Variants in DSCAML1 observed in about 807,000 individuals in gnomAD.
The protein encoded by DSCAML1 is DS cell adhesion molecule like 1, also known as cell adhesion molecule DSCAML1.
DSCAML1 carries 38 observed loss-of-function variants against 200.5 expected under a neutral mutation model. The ratio of observed to expected loss-of-function variants is 0.19; its 90% CI spans 0.15 to 0.25. DSCAML1 has a LOEUF of 0.25. DSCAML1 is among the 10% of genes least tolerant of loss of function. DSCAML1 has a pLI of 1.00. For synonymous variants in DSCAML1, 1,215 were observed against 1,165.0 expected, an observed-to-expected ratio of 1.04 and a Z score of -0.87; for missense variants, 2,223 against 2,858.8, an observed-to-expected ratio of 0.78 and a Z score of 5.07.
intron 3 of DSCAML1, among the ~76,000 whole-genome samples, chr11:117,560,369 C>T (rs2137413124): frequency 6.6e-6 from 1 of 152,326 alleles, no homozygotes; most frequent in Non-Finnish European, 1.5e-5. Context: ...CCTGTAGCCA[C>T]TGCAGTCCCC....
intron 3 of DSCAML1, among the ~76,000 whole-genome samples, chr11:117,619,398 C>T (rs1365453513): frequency 6.6e-6 from 1 of 152,246 alleles, no homozygotes; most frequent in Non-Finnish European, 1.5e-5. Context: ...GAGGTTTGCC[C>T]TCAGGGCCCA....
At chr11:117,517,143 G>A (rs573109477) in intron 7 of DSCAML1, among the ~76,000 whole-genome samples, 11 of 152,284 alleles carry the variant, frequency 7.2e-5, no homozygotes, top group African/African-American at 2.4e-4. Flanking sequence ...TAGAGATTTT[G>A]TTGTTTCCAT....
At chr11:117,716,984 C>T (rs2053961678) in intron 3 of DSCAML1, among the ~76,000 whole-genome samples, 1 of 151,196 alleles carries the variant, frequency 6.6e-6, no homozygotes, top group African/African-American at 2.4e-5. Flanking sequence ...GCCAGAAATT[C>T]CCATCCCAGA....
chr11:117,530,229 G>T (rs2050049693), intron 4 of DSCAML1, among the ~76,000 whole-genome samples: 1 of 152,156 alleles, frequency 6.6e-6, no homozygotes, highest in African/African-American at 2.4e-5. Context: ...CCAGTTCAAA[G>T]AATGTCTCTT....
At chr11:117,574,567 C>T (rs773568405) in intron 3 of DSCAML1, among the ~76,000 whole-genome samples, 6 of 152,116 alleles carry the variant, frequency 3.9e-5, no homozygotes, top group Non-Finnish European at 5.9e-5. Context: ...ACTTGGTGAC[C>T]CTGCACTGTC....
At chr11:117,495,025 G>C (rs910307836) in intron 11 of DSCAML1, among the ~76,000 whole-genome samples, 1 of 152,202 alleles carries the variant, frequency 6.6e-6, no homozygotes, top group Non-Finnish European at 1.5e-5. Context: ...ATGGTACTTT[G>C]TGACAGCAGC....
rs1349839810 is a variant in DSCAML1 at position 117,437,833 on chromosome 11, C to T, written c.4432+62G>A. ...AGCCACCTTACACCCCATACCTGGC[C>T]CCTCTAGCCCACCCTCCCTGGGCCC... On this transcript the variant is annotated intron_variant, in intron 25 of 32. Coordinates refer to ENST00000651296, the MANE Select transcript of DSCAML1 (RefSeq NM_020693.4). This position sits in a 1 kb window ranked among gnomAD's most constrained non-coding sequence, Gnocchi z 5.3. 1.3e-6 allele frequency: 2 copies of T among 1,494,208 alleles called. No homozygotes were observed. The highest frequency in any genetic ancestry group is 2.4e-5 in the East Asian group (1 of 42,288). The allele number at this position is 1,494,208 out of a possible 1,614,324, so 92.6% of individuals were successfully genotyped here. A position where few individuals can be genotyped will look rare whatever the true frequency, so the allele number is the denominator to read the frequency against.
chr11:117,630,075 G>C (rs1042418090), intron 3 of DSCAML1, among the ~76,000 whole-genome samples: 17 of 152,204 alleles, frequency 1.1e-4, no homozygotes, highest in African/African-American at 3.9e-4. Context: ...AGTGAGGCAA[G>C]GGAGCAGCAG....
In DSCAML1 at chr11:117,505,447, T is replaced by C; in HGVS notation, c.2062+7A>G. Reference sequence around the variant, plus strand: ...CCCTCCCCTGAGGCTGGCCTGTCCCTGCTCACCACGCACGATGAGCTGGCG... The same window carrying C: ...CCCTCCCCTGAGGCTGGCCTGTCCCCGCTCACCACGCACGATGAGCTGGCG... On this transcript the variant is annotated splice_region_variant and intron_variant, in intron 9 of 32. Transcript: ENST00000651296. This position sits in a 1 kb window ranked among gnomAD's most constrained non-coding sequence, Gnocchi z 6.7. 1.2e-6 allele frequency: 2 copies of C among 1,607,676 alleles called. No homozygotes were observed.
intron 32 of DSCAML1, 100 bp from the exon 33 acceptor site, chr11:117,428,903 A>T: frequency 1.6e-6 from 2 of 1,236,904 alleles, no homozygotes; most frequent in Admixed American, 4.7e-5. Context: ...CTTCTCTCTG[A>T]TTTGGCATAG....
intron 3 of DSCAML1, among the ~76,000 whole-genome samples, chr11:117,741,300 C>T (rs1238103266): frequency 3.3e-5 from 5 of 152,230 alleles, no homozygotes; most frequent in African/African-American, 1.2e-4. Flanking sequence ...TCTACAAAAA[C>T]CTCCCACTTC....
At chr11:117,519,028 T>C (rs536600736) in intron 6 of DSCAML1, among the ~76,000 whole-genome samples, 128 of 152,336 alleles carry the variant, frequency 8.4e-4, no homozygotes, top group African/African-American at 3.0e-3. Flanking sequence ...TCTGAGTCTT[T>C]TGTCTCATGG....
intron 3 of DSCAML1, among the ~76,000 whole-genome samples, chr11:117,617,100 G>A (rs1330041897): frequency 1.3e-5 from 2 of 152,214 alleles, no homozygotes; most frequent in Non-Finnish European, 2.9e-5. Context: ...AACAGTAGGA[G>A]GTCAGTATTT....
chr11:117,583,976 G>T (rs2137466713), intron 3 of DSCAML1, among the ~76,000 whole-genome samples: 1 of 152,250 alleles, frequency 6.6e-6, no homozygotes, highest in South Asian at 2.1e-4. Context: ...AGGCTTCCTG[G>T]TACCCCTGTA....
Position 117,439,446 on chromosome 11 carries a change from T to TG in DSCAML1, c.3981-18dup. The TG allele has an allele frequency of 6.2e-7, 1 of 1,605,780 alleles. No individual in the cohort carries two copies. Among genetic ancestry groups the TG allele is most frequent in the Non-Finnish European group, 8.5e-7 (1 of 1,176,280 alleles). ...GAGTCTTCACTGCCAGGGGCGAGGA[T>TG]GGGGCGGGTGGGTCATGTCAAGCAC... On this transcript the variant is annotated splice_polypyrimidine_tract_variant and intron_variant, in intron 22 of 32. Coordinates refer to ENST00000651296, the MANE Select transcript of DSCAML1 (RefSeq NM_020693.4).
intron 3 of DSCAML1, among the ~76,000 whole-genome samples, chr11:117,717,976 A>C (rs2053981201): frequency 6.6e-6 from 1 of 152,184 alleles, no homozygotes; most frequent in Non-Finnish European, 1.5e-5. Flanking sequence ...GCATTTACAT[A>C]GCAAACAACA....
chr11:117,591,529 G>A (rs1333904507), intron 3 of DSCAML1, among the ~76,000 whole-genome samples: 3 of 152,324 alleles, frequency 2.0e-5, no homozygotes, highest in South Asian at 2.1e-4. Flanking sequence ...TATGCGAGCC[G>A]CGATTTGTAA....
At position 117,498,311 on chromosome 11, in the gene DSCAML1, C is replaced by G. The variant is rs1217226397; in HGVS notation, c.2359+5534G>C. ...TGTGCCCAGGCTCCACTTACATGCT[C>G]TGCCAACAGCCGTCCCTCAGCTCTA... On this transcript the variant is annotated intron_variant, in intron 11 of 32. Coordinates refer to ENST00000651296, the MANE Select transcript of DSCAML1 (RefSeq NM_020693.4). This position sits in a 1 kb window ranked among gnomAD's most constrained non-coding sequence, Gnocchi z 4.0. Among the ~76,000 whole-genome samples, 1 of 152,366 alleles carries G rather than the reference C, an allele frequency of 6.6e-6. No homozygotes were observed. Among genetic ancestry groups the G allele is most frequent in the South Asian group, 2.1e-4 (1 of 4,828 alleles).
chr11:117,804,649 G>T (rs60942267), intron 1 of DSCAML1, among the ~76,000 whole-genome samples: 2,854 of 152,124 alleles, frequency 0.019, 62 homozygotes, highest in East Asian at 0.086. Context: ...GCAATATCTC[G>T]TCCGGGCATG....
Sources: gnomAD v4.1 joint callset for allele counts (sites outside exome capture counted in the v4.1 genomes callset) on GRCh38, gnomAD v4.1.1 for gene constraint, Gnocchi (gnomAD v3.1) non-coding constraint, MANE v1.5 for transcripts, NCBI Gene and HGNC (gene_info 2026-07-23, HGNC 2026-07-21) for gene names.